Variants in RASA1 observed in about 807,000 individuals in gnomAD.
RASA1 encodes the protein ras GTPase-activating protein 1.
Under a neutral mutation model 132.2 loss-of-function variants are expected in RASA1, and 25 were observed. The ratio of observed to expected loss-of-function variants is 0.19; its 90% confidence interval spans 0.14 to 0.26. The LOEUF (loss-of-function observed/expected upper bound fraction) is 0.26, where lower values mean the gene tolerates loss of function less well. Among genes scored for constraint, RASA1 ranks in the 10% least tolerant of loss-of-function variants. The probability of loss-of-function intolerance (pLI) is 1.00; values close to 1 mark genes in which losing one functional copy is unlikely to be tolerated. For synonymous variants in RASA1, 477 were observed against 449.9 expected, an observed-to-expected ratio of 1.06 and a Z score of -0.76; for missense variants, 964 against 1,299.2, an observed-to-expected ratio of 0.74 and a Z score of 3.97.
intron 1 of RASA1, among the ~76,000 whole-genome samples, chr5:87,293,151 G>A (rs1164335129): frequency 6.6e-6 from 1 of 152,004 alleles, no homozygotes; most frequent in Non-Finnish European, 1.5e-5. Flanking sequence ...TTGAAAAACA[G>A]TGGTAAGAGG....
intron 1 of RASA1, among the ~76,000 whole-genome samples, chr5:87,285,165 T>TC (rs1235388953): frequency 3.3e-5 from 5 of 151,766 alleles, no homozygotes; most frequent in Non-Finnish European, 7.4e-5. Context: ...CTTCCCGGGT[T>TC]CAAGCGATTC....
At chr5:87,320,121 G>A (rs1010249545) in intron 1 of RASA1, among the ~76,000 whole-genome samples, 1 of 152,102 alleles carries the variant, frequency 6.6e-6, no homozygotes, top group Non-Finnish European at 1.5e-5. Flanking sequence ...TTCCCAATAA[G>A]TTCCTCATCT....
intron 1 of RASA1, among the ~76,000 whole-genome samples, chr5:87,305,790 G>GA (rs1755580721): frequency 6.6e-6 from 1 of 152,140 alleles, no homozygotes; most frequent in South Asian, 2.1e-4. Flanking sequence ...CATTTACGAG[G>GA]AAAAGAATCC....
chr5:87,319,186 G>A (rs367792290), intron 1 of RASA1, among the ~76,000 whole-genome samples: 19 of 152,368 alleles, frequency 1.2e-4, no homozygotes, highest in Non-Finnish European at 1.5e-4. Context: ...TAATGGGCTG[G>A]CATTGAGTGC....
intron 1 of RASA1, among the ~76,000 whole-genome samples, chr5:87,305,088 G>T (rs1362720416): frequency 1.3e-5 from 2 of 151,880 alleles, no homozygotes; most frequent in Non-Finnish European, 1.5e-5. Flanking sequence ...GAAATTTGAA[G>T]ATATTCCATT....
At chr5:87,383,543 GCTTA>G (rs1191239503) in intron 20 of RASA1, among the ~76,000 whole-genome samples, 166 bp from the exon 21 acceptor site, 2 of 152,024 alleles carry the variant, frequency 1.3e-5, no homozygotes, top group East Asian at 3.9e-4. Context: ...CGATGCTTTG[GCTTA>G]CTGTTTTCTT....
Position 87,374,777 on chromosome 5 carries a change from A to G in RASA1, c.1935-63A>G, listed in dbSNP as rs1761207011. On this transcript the variant is annotated intron_variant, in intron 14 of 24. Coordinates refer to ENST00000274376, the MANE Select transcript of RASA1 (RefSeq NM_002890.3). ...AGGGGGTTTATTTGATACTAGAACT[A>G]AAGAAATAAGGTAGTTTGATGCCAA... The G allele has an allele frequency of 2.5e-6, 4 of 1,595,366 alleles. No homozygotes were observed. In the South Asian group the frequency reaches 4.5e-5, roughly 18 times the overall value.
chr5:87,332,737 C>A, intron 3 of RASA1, 95 bp downstream of exon 3: 1 of 1,244,320 alleles, frequency 8.0e-7, no homozygotes, highest in Non-Finnish European at 1.1e-6. Flanking sequence ...TATTATAATT[C>A]AAGAAGTATT....
chr5:87,304,357 C>G (rs758043466), intron 1 of RASA1, among the ~76,000 whole-genome samples: 1 of 152,080 alleles, frequency 6.6e-6, no homozygotes, highest in Admixed American at 6.6e-5. Context: ...TTATTACAGT[C>G]TACTGAAAAT....
At chr5:87,286,320 CTCTT>C (rs1164531198) in intron 1 of RASA1, among the ~76,000 whole-genome samples, 1 of 151,892 alleles carries the variant, frequency 6.6e-6, no homozygotes, top group Non-Finnish European at 1.5e-5. Context: ...CCCTCATTTT[CTCTT>C]TCTTCTCCTA....
At chr5:87,306,316 G>A (rs370438045) in intron 1 of RASA1, among the ~76,000 whole-genome samples, 22 of 152,200 alleles carry the variant, frequency 1.4e-4, no homozygotes, top group South Asian at 2.1e-4. Flanking sequence ...TGTCCTTTGC[G>A]GGGACATGGA....
In RASA1 at chr5:87,268,858, C is replaced by G. The variant is rs769463654; in HGVS notation, c.407C>G (p.Pro136Arg). 5.6e-6 allele frequency: 9 copies of G among 1,614,086 alleles called. No homozygotes were observed. Among genetic ancestry groups the G allele is most frequent in the Non-Finnish European group, 6.8e-6 (8 of 1,180,040 alleles). The change falls in exon 1 of 25, where the codon CCT becomes CGT. Residue 136 changes from proline to arginine, a missense_variant. Transcript: ENST00000274376. ...CTCGGGCCAGGCGGCGGTTTTCCCC[C>G]TCTGCCCCCTCCCCCTTACCTGCCC... is the stretch of plus-strand genomic sequence containing the variant. ...ETLGPGGGFP[P>R]LPPPPYLPPL...
chr5:87,347,927 AAAC>A (rs1758980282), intron 7 of RASA1, among the ~76,000 whole-genome samples: 2 of 151,024 alleles, frequency 1.3e-5, no homozygotes, highest in South Asian at 4.1e-4. Flanking sequence ...AAAAGGAGCT[AAAC>A]TTAATTTCCT....
intron 1 of RASA1, among the ~76,000 whole-genome samples, chr5:87,315,364 G>T (rs745391982): frequency 1.3e-5 from 2 of 152,144 alleles, no homozygotes; most frequent in Non-Finnish European, 2.9e-5. Context: ...GCCAGCTCAG[G>T]TCTCTCCTTC....
At chr5:87,317,810 A>G (rs903043386) in intron 1 of RASA1, among the ~76,000 whole-genome samples, 1 of 151,776 alleles carries the variant, frequency 6.6e-6, no homozygotes, top group African/African-American at 2.4e-5. Flanking sequence ...TAATTTTTGT[A>G]CATTTTGTAG....
At chr5:87,384,867 G>C (rs1323146490) in intron 21 of RASA1, among the ~76,000 whole-genome samples, 1 of 152,024 alleles carries the variant, frequency 6.6e-6, no homozygotes, top group Non-Finnish European at 1.5e-5. Context: ...AGCTTTAAGC[G>C]AATTATTTGG....
At chr5:87,273,541 A>G (rs1411729633) in intron 1 of RASA1, among the ~76,000 whole-genome samples, 6 of 152,090 alleles carry the variant, frequency 3.9e-5, no homozygotes, top group Non-Finnish European at 5.9e-5. Flanking sequence ...GTAGTGCACC[A>G]TCAGTTATAT....
chr5:87,317,580 T>C (rs1224215728), intron 1 of RASA1, among the ~76,000 whole-genome samples: 1 of 152,184 alleles, frequency 6.6e-6, no homozygotes, highest in Admixed American at 6.6e-5. Flanking sequence ...TTGTCTCTTC[T>C]GTTTTTAAGG....
intron 9 of RASA1, among the ~76,000 whole-genome samples, chr5:87,360,763 TCA>T (rs780742600): frequency 2.6e-5 from 4 of 152,150 alleles, no homozygotes; most frequent in Non-Finnish European, 5.9e-5. Context: ...ATCTGAAAAA[TCA>T]CAGTCTGAGG....
Sources: gnomAD v4.1 joint callset for allele counts (sites outside exome capture counted in the v4.1 genomes callset) on GRCh38, gnomAD v4.1.1 for gene constraint, MANE v1.5 for transcripts, NCBI Gene and HGNC (gene_info 2026-07-23, HGNC 2026-07-21) for gene names.